TMX1: variants seen among roughly 807,000 people sequenced by gnomAD.
TMX1 encodes the protein thioredoxin-related transmembrane protein 1.
TMX1 carries 25 observed loss-of-function variants against 36.6 expected under a neutral mutation model. The observed-to-expected ratio is 0.68, with a 90% CI of 0.50 to 0.95. The LOEUF (loss-of-function observed/expected upper bound fraction) is 0.95, where lower values mean the gene tolerates loss of function less well. TMX1 is among the 40% of genes least tolerant of loss of function. TMX1 has a pLI of 0.00. For synonymous variants in TMX1, 133 were observed against 118.0 expected (o/e 1.13, Z -0.82); for missense variants, 347 against 339.6 (o/e 1.02, Z -0.17).
intron 1 of TMX1, among the ~76,000 whole-genome samples, chr14:51,241,159 A>G (rs929698293): frequency 7.2e-5 from 11 of 152,172 alleles, no homozygotes; most frequent in Middle Eastern, 3.2e-3. Context: ...TAATGTATTA[A>G]TGTATACACT....
chr14:51,247,346 T>C, intron 4 of TMX1, 126 bp downstream of exon 4: 1 of 871,228 alleles, frequency 1.1e-6, no homozygotes, highest in Non-Finnish European at 1.5e-6. Context: ...ATTTATTACA[T>C]GTTTGATTTT....
chr14:51,250,480 TTTTGTTTG>T (rs143992568), intron 7 of TMX1, among the ~76,000 whole-genome samples: 9 of 150,686 alleles, frequency 6.0e-5, no homozygotes, highest in African/African-American at 9.8e-5. Flanking sequence ...TTATTATGTC[TTTTGTTTG>T]TTTGTTTGTT....
chr14:51,240,498 C>T, intron 1 of TMX1, 54 bp downstream of exon 1: 1 of 1,576,478 alleles, frequency 6.3e-7, no homozygotes, highest in Non-Finnish European at 8.6e-7. Context: ...ACGACTTCAC[C>T]CCGCACGTTC....
chr14:51,247,022 G>GA lies in TMX1; in HGVS notation c.315-64dup. On this transcript the variant is annotated intron_variant, in intron 3 of 7. Coordinates refer to ENST00000457354, the MANE Select transcript of TMX1 (RefSeq NM_030755.5). Reference sequence around the variant, plus strand: ...GTTAGAATTGACTGTAAAGTGAAGTGAAAAAATAGCAAAATAAATATTAAA... The same window carrying GA: ...GTTAGAATTGACTGTAAAGTGAAGTGAAAAAAATAGCAAAATAAATATTAAA... 3.5e-6 allele frequency: 5 copies of GA among 1,427,942 alleles called. No individual in the cohort carries two copies. The South Asian group carries it at 4.3e-5, about 12-fold the overall frequency. 88.5% of individuals were successfully genotyped at this position (1,427,942 alleles called of 1,614,324 possible).
chr14:51,244,418 A>G (rs2065776255), intron 2 of TMX1, among the ~76,000 whole-genome samples: 1 of 152,206 alleles, frequency 6.6e-6, no homozygotes, highest in African/African-American at 2.4e-5. Context: ...TTCTGGAGTC[A>G]AGGTCACGTT....
At position 51,254,523 on chromosome 14, in the gene TMX1, A is replaced by C. The variant is rs2065829893; in HGVS notation, c.*4A>C. ...ATTGGCCACAGATAAATCCTAGTTAAATTTTATAGTTATCTTAATATTATG... is the reference window on the plus strand; with the variant it reads ...ATTGGCCACAGATAAATCCTAGTTACATTTTATAGTTATCTTAATATTATG... On this transcript the variant is annotated 3_prime_UTR_variant, in exon 8 of 8. Transcript: ENST00000457354. The C allele has an allele frequency of 6.3e-7, 1 of 1,579,946 alleles. No individual in the cohort carries two copies. The highest frequency in any genetic ancestry group is 1.2e-5 in the South Asian group (1 of 83,066).
chr14:51,251,649 G>A (rs1310099745), intron 7 of TMX1, among the ~76,000 whole-genome samples: 1 of 152,198 alleles, frequency 6.6e-6, no homozygotes, highest in Admixed American at 6.5e-5. Context: ...TTGGGAGTCT[G>A]CATAGATTGA....
intron 2 of TMX1, among the ~76,000 whole-genome samples, chr14:51,244,568 C>G (rs906808244): frequency 1.3e-5 from 2 of 152,070 alleles, no homozygotes; most frequent in Admixed American, 1.3e-4. Flanking sequence ...GGACAAGTGG[C>G]AGGTCCTGCC....
At chr14:51,246,336 C>T (rs1187350164) in intron 3 of TMX1, among the ~76,000 whole-genome samples, 7 of 152,144 alleles carry the variant, frequency 4.6e-5, no homozygotes, top group Admixed American at 3.3e-4. Context: ...CTTACCTATG[C>T]TTCAAATAAT....
At position 51,249,735 on chromosome 14, in the gene TMX1, C is replaced by A; in HGVS notation, c.634C>A (p.Arg212Ser). 6.2e-7 allele frequency: 1 copy of A among 1,613,284 alleles called. No homozygotes were observed. Among genetic ancestry groups the A allele is most frequent in the Non-Finnish European group, 8.5e-7 (1 of 1,179,524 alleles). ...VADCLCPSKR[R>S]RPQPYPYPSK... Reference sequence around the variant, plus strand: ...AGATTGCCTTTGTCCTTCAAAAAGGCGCAGACCACAGCCGTACCCATACCC... The same window carrying A: ...AGATTGCCTTTGTCCTTCAAAAAGGAGCAGACCACAGCCGTACCCATACCC... Residue 212 changes from arginine to serine, a missense_variant, in exon 7 of 8, where the codon CGC becomes AGC. By Grantham distance (110) the Arg-to-Ser change is moderately radical. Coordinates refer to ENST00000457354, the MANE Select transcript of TMX1 (RefSeq NM_030755.5).
At chr14:51,241,347 G>C (rs2065759926) in intron 1 of TMX1, among the ~76,000 whole-genome samples, 1 of 152,188 alleles carries the variant, frequency 6.6e-6, no homozygotes, top group Non-Finnish European at 1.5e-5. Flanking sequence ...ACTGATAATA[G>C]TAAAAGCATA....
At chr14:51,249,924 T>C (rs545363992) in intron 7 of TMX1, among the ~76,000 whole-genome samples, 159 bp downstream of exon 7, 1 of 152,374 alleles carries the variant, frequency 6.6e-6, no homozygotes, top group South Asian at 2.1e-4. Flanking sequence ...AGAGGAGATG[T>C]ATATTTCATA....
Position 51,249,490 on chromosome 14 carries a change from A to T in TMX1, c.512A>T (p.Glu171Val). ...TAGACTTGCCATAACTACTTTATTG[A>T]AGACCTTGGATTGCCAGTGTGGGGA... Reference protein sequence around the residue: ...WIRTCHNYFIEDLGLPVWGSY... With the variant: ...WIRTCHNYFIVDLGLPVWGSY... The change falls in exon 6 of 8, where the codon GAA (glutamate) becomes GTA (valine). Residue 171 changes from glutamate (E) to valine (V), a missense_variant. Glu to Val is a moderately radical substitution (Grantham distance 121). Coordinates refer to ENST00000457354, the MANE Select transcript of TMX1 (RefSeq NM_030755.5). The T allele has an allele frequency of 6.2e-7, 1 of 1,612,452 alleles. No individual in the cohort carries two copies. The highest frequency in any genetic ancestry group is 8.5e-7 in the Non-Finnish European group (1 of 1,179,578).
intron 7 of TMX1, among the ~76,000 whole-genome samples, chr14:51,253,713 T>C (rs1436831462): frequency 6.6e-6 from 1 of 152,208 alleles, no homozygotes; most frequent in African/African-American, 2.4e-5. Flanking sequence ...ATTTGTACAT[T>C]TTATTCTTGT....
chr14:51,248,676 T>C (rs2065797669), intron 4 of TMX1, among the ~76,000 whole-genome samples: 1 of 152,230 alleles, frequency 6.6e-6, no homozygotes, highest in South Asian at 2.1e-4. Context: ...CTTGTAAGTC[T>C]ATTTTCAAGC....
Position 51,249,496 on chromosome 14 carries a change from T to G in TMX1, c.518T>G (p.Leu173Arg), listed in dbSNP as rs777582889. The change falls in exon 6 of 8, where the codon CTT (leucine) becomes CGT (arginine). Residue 173 changes from leucine to arginine, a missense_variant. By Grantham distance (102) the Leu-to-Arg change is moderately radical. Transcript: ENST00000457354. ...RTCHNYFIED[L>R]GLPVWGSYTV... is the part of the protein sequence containing the mutation. Reference sequence around the variant, plus strand: ...TGCCATAACTACTTTATTGAAGACCTTGGATTGCCAGTGTGGGGATCATAT... The same window carrying G: ...TGCCATAACTACTTTATTGAAGACCGTGGATTGCCAGTGTGGGGATCATAT... The G allele has an allele frequency of 5.6e-5, 90 of 1,613,366 alleles. No individual in the cohort carries two copies. The highest frequency in any genetic ancestry group is 7.3e-5 in the Non-Finnish European group (86 of 1,179,824).
In TMX1 at chr14:51,254,328, C is replaced by T; in HGVS notation, c.665-13C>T. On this transcript the variant is annotated splice_polypyrimidine_tract_variant and intron_variant, in intron 7 of 7. Coordinates refer to ENST00000457354, the MANE Select transcript of TMX1 (RefSeq NM_030755.5). ...ACATCAACAAAAATACATTTTTGGT[C>T]TTTGTCTTTAAGAAAAATTATTATC... The T allele has an allele frequency of 1.3e-6, 2 of 1,575,112 alleles. No individual in the cohort carries two copies. The highest frequency in any genetic ancestry group is 4.1e-5 in the Admixed American group (2 of 49,148).
chr14:51,244,011 T>A (rs970721330), intron 2 of TMX1, 40 bp downstream of exon 2: 12 of 1,507,218 alleles, frequency 8.0e-6, no homozygotes, highest in African/African-American at 2.8e-5. Context: ...CTTTGCTGTT[T>A]GGGTTGATAT....
chr14:51,248,424 C>G (rs1289158365), intron 4 of TMX1, among the ~76,000 whole-genome samples: 1 of 152,232 alleles, frequency 6.6e-6, no homozygotes, highest in Non-Finnish European at 1.5e-5. Flanking sequence ...ACCCATTGAA[C>G]TACCATGCCC....
Sources: allele counts gnomAD v4.1 joint callset (sites outside exome capture counted in the v4.1 genomes callset), GRCh38; gene constraint gnomAD v4.1.1; transcripts MANE v1.5; gene names NCBI Gene and HGNC (gene_info 2026-07-23, HGNC 2026-07-21).